The following CHD6 variants were observed in gnomAD, a reference collection of about 807,000 sequenced individuals.
CHD6 encodes the protein ATP-dependent chromatin remodeler CHD6.
A neutral mutation model predicts 276.9 loss-of-function variants in CHD6; 50 were observed. The ratio of observed to expected loss-of-function variants is 0.18; its 90% CI spans 0.14 to 0.23. The LOEUF (loss-of-function observed/expected upper bound fraction) is 0.23, where lower values mean the gene tolerates loss of function less well. Among genes scored for constraint, CHD6 ranks in the 10% least tolerant of loss-of-function variants. The pLI, the probability that CHD6 is intolerant of heterozygous loss-of-function variation, is 1.00. For synonymous variants in CHD6, 1,173 were observed against 1,229.3 expected, an observed-to-expected ratio of 0.95 and a Z score of 0.96; for missense variants, 2,564 against 3,365.8, an observed-to-expected ratio of 0.76 and a Z score of 5.89.
intron 3 of CHD6, among the ~76,000 whole-genome samples, chr20:41,532,306 C>A (rs927257864): frequency 1.3e-5 from 2 of 152,194 alleles, no homozygotes; most frequent in African/African-American, 2.4e-5. Flanking sequence ...ACTAGATAAA[C>A]AGATCAGGAA....
chr20:41,592,594 T>C (rs889909160), intron 1 of CHD6, among the ~76,000 whole-genome samples: 14 of 152,224 alleles, frequency 9.2e-5, no homozygotes, highest in African/African-American at 3.1e-4. Flanking sequence ...AAATAGAAAC[T>C]GGAGCTACCA....
intron 27 of CHD6, among the ~76,000 whole-genome samples, chr20:41,430,432 T>C (rs1023130173): frequency 1.3e-5 from 2 of 152,244 alleles, no homozygotes; most frequent in Admixed American, 6.5e-5. Flanking sequence ...TTAATGTCAG[T>C]GGCTTTCAGA....
intron 17 of CHD6, among the ~76,000 whole-genome samples, chr20:41,469,835 T>C (rs1240864361): frequency 1.3e-5 from 2 of 152,256 alleles, no homozygotes; most frequent in African/African-American, 4.8e-5. Context: ...GATAAAACAG[T>C]AATATTGCTA....
intron 17 of CHD6, 127 bp from the exon 18 acceptor site, chr20:41,457,555 T>A: frequency 8.9e-7 from 1 of 1,119,560 alleles, no homozygotes; most frequent in Non-Finnish European, 1.2e-6. Flanking sequence ...GTAACAGGAC[T>A]GATTTCAGAA....
intron 16 of CHD6, among the ~76,000 whole-genome samples, chr20:41,481,163 C>T (rs1297317125): frequency 2.6e-5 from 4 of 151,394 alleles, no homozygotes; most frequent in East Asian, 1.9e-4. Flanking sequence ...ATGGGTCTCA[C>T]GGTTAAGATG....
chr20:41,423,211 C>G (rs753008169), intron 30 of CHD6, among the ~76,000 whole-genome samples: 9 of 151,936 alleles, frequency 5.9e-5, no homozygotes, highest in Non-Finnish European at 1.3e-4. Flanking sequence ...TTAAAAAAAC[C>G]CTTATACTTT....
chr20:41,493,277 C>T (rs767051559), intron 10 of CHD6, among the ~76,000 whole-genome samples: 6 of 152,058 alleles, frequency 3.9e-5, no homozygotes, highest in African/African-American at 9.7e-5. Context: ...ATACAACAGC[C>T]GCACACCAAG....
intron 1 of CHD6, among the ~76,000 whole-genome samples, chr20:41,557,035 T>G (rs2045246337): frequency 6.6e-6 from 1 of 152,228 alleles, no homozygotes; most frequent in Non-Finnish European, 1.5e-5. Flanking sequence ...TCCTTCTGGC[T>G]CAATAAAGAA....
At chr20:41,457,148 T>G in intron 18 of CHD6, 116 bp downstream of exon 18, 1 of 1,194,504 alleles carries the variant, frequency 8.4e-7, no homozygotes, top group East Asian at 2.5e-5. Flanking sequence ...AATAATGATG[T>G]GAGGGCTGGC....
rs1165698192 is a variant in CHD6 at position 41,420,584 on chromosome 20, T to G, written c.6051A>C (p.Gly2017=). 2 of 1,614,190 alleles carry G rather than the reference T, an allele frequency of 1.2e-6. No homozygotes were observed. The highest frequency in any genetic ancestry group is 3.3e-5 in the Admixed American group (2 of 60,030). The change falls in exon 31 of 37, where the codon GGA becomes GGC. Residue 2017 remains glycine, a synonymous_variant. Coordinates refer to ENST00000373233, the MANE Select transcript of CHD6 (RefSeq NM_032221.5). Reference sequence around the variant, plus strand: ...CCATGTCTTCTGATTTGAGCTCACTTCCTTCAAGAGGATATGTGGGGAAAA... The same window carrying G: ...CCATGTCTTCTGATTTGAGCTCACTGCCTTCAAGAGGATATGTGGGGAAAA... ...QNVFPTYPLE[G]SELKSEDMDF...
intron 1 of CHD6, among the ~76,000 whole-genome samples, chr20:41,580,938 T>A (rs2045531076): frequency 6.6e-6 from 1 of 152,180 alleles, no homozygotes; most frequent in Admixed American, 6.5e-5. Flanking sequence ...GCTAGCAAAG[T>A]TGAAATTAAT....
intron 2 of CHD6, among the ~76,000 whole-genome samples, chr20:41,545,003 G>A (rs2045013103): frequency 6.6e-6 from 1 of 152,142 alleles, no homozygotes; most frequent in Non-Finnish European, 1.5e-5. Context: ...TTAGGAGAGA[G>A]AGAAAATAAT....
Position 41,483,385 on chromosome 20 carries a change from C to G in CHD6, c.2392G>C (p.Gly798Arg). 6.2e-7 allele frequency: 1 copy of G among 1,613,824 alleles called. No homozygotes were observed. Residue 798 changes from glycine to arginine, a missense_variant, in exon 16 of 37, where the codon GGT (glycine) becomes CGT (arginine). Around this residue, in one of 7 missense-constraint regions of CHD6, gnomAD observed 457 missense variants for 889.0 expected, o/e 0.51. Transcript: ENST00000373233. ...IDKLLPKLIA[G>R]GHKVLIFSQM... ...GAGAAGATGAGTACTTTGTGGCCAC[C>G]TGCAATCAGCTTAGGGAGTAGTTTA... is the stretch of plus-strand genomic sequence containing the variant.
chr20:41,417,410 T>C, intron 31 of CHD6, 61 bp from the exon 32 acceptor site: 1 of 1,434,000 alleles, frequency 7.0e-7, no homozygotes, highest in Admixed American at 2.1e-5. Flanking sequence ...ACTAGTGATC[T>C]GAGAGATTAG....
chr20:41,527,953 G>A (rs962521922), intron 3 of CHD6, among the ~76,000 whole-genome samples: 1 of 152,168 alleles, frequency 6.6e-6, no homozygotes, highest in Non-Finnish European at 1.5e-5. Flanking sequence ...TTTGGCCACA[G>A]GATGAGGAGC....
chr20:41,456,272 A>T (rs2145687662), intron 18 of CHD6, among the ~76,000 whole-genome samples: 1 of 152,178 alleles, frequency 6.6e-6, no homozygotes, highest in South Asian at 2.1e-4. Context: ...ATAACTATGC[A>T]TCATTGAAGA....
At chr20:41,554,835 CCT>C (rs926203122) in intron 1 of CHD6, among the ~76,000 whole-genome samples, 3 of 152,234 alleles carry the variant, frequency 2.0e-5, no homozygotes, top group Non-Finnish European at 4.4e-5. Context: ...CCACCTTTCC[CCT>C]CTTTCTATTC....
intron 3 of CHD6, among the ~76,000 whole-genome samples, chr20:41,530,551 T>A (rs2044659152): frequency 6.6e-6 from 1 of 152,214 alleles, no homozygotes; most frequent in Admixed American, 6.5e-5. Flanking sequence ...CATATGCATA[T>A]ATACATATGT....
rs1043771859 is a variant in CHD6 at position 41,425,305 on chromosome 20, G to C, written c.4219C>G (p.Arg1407Gly). The C allele has an allele frequency of 6.2e-7, 1 of 1,614,070 alleles. No individual in the cohort carries two copies. Among genetic ancestry groups the C allele is most frequent in the African/African-American group, 1.3e-5 (1 of 74,936 alleles). Residue 1407 changes from arginine (R) to glycine (G), a missense_variant, in exon 29 of 37, where the codon CGC becomes GGC. Transcript: ENST00000373233. ...RLRRLVTVYQ[R>G]CNRKELCRPE... ...CGGCACAGTTCCTTGCGGTTGCAGC[G>C]CTGGTAAACAGTGACCAGACGTCTG... is the stretch of plus-strand genomic sequence containing the variant.
Sources: allele counts gnomAD v4.1 joint callset (sites outside exome capture counted in the v4.1 genomes callset), GRCh38; gene constraint gnomAD v4.1.1; regional missense constraint gnomAD v4.1.1; transcripts MANE v1.5; gene names NCBI Gene and HGNC (gene_info 2026-07-23, HGNC 2026-07-21).